The following KTN1 variants were observed in gnomAD, a reference collection of about 807,000 sequenced individuals.
KTN1 encodes the protein kinectin.
A neutral mutation model predicts 222.5 loss-of-function variants in KTN1; 130 were observed. The observed-to-expected ratio is 0.58, with a 90% CI of 0.51 to 0.68. The LOEUF (loss-of-function observed/expected upper bound fraction) is 0.68. KTN1 is among the 30% of genes least tolerant of loss of function. The pLI is 0.00. For missense variants in KTN1, 1,508 were observed against 1,500.4 expected, an observed-to-expected ratio of 1.01 and a Z score of -0.08; for synonymous variants, 512 against 496.3, an observed-to-expected ratio of 1.03 and a Z score of -0.42.
intron 1 of KTN1, among the ~76,000 whole-genome samples, chr14:55,589,972 C>G (rs1246376102): frequency 6.6e-6 from 1 of 151,932 alleles, no homozygotes; most frequent in Non-Finnish European, 1.5e-5. Context: ...TATCTGATTT[C>G]TTAAGGTAGC....
chr14:55,671,210 G>A (rs997065374), intron 35 of KTN1: 1 of 253,912 alleles, frequency 3.9e-6, no homozygotes, highest in South Asian at 1.1e-4. Context: ...TACTGAAATT[G>A]GGGGGGATTT....
chr14:55,679,528 T>C (rs1482723190), intron 42 of KTN1, 37 bp from the exon 43 acceptor site: 1 of 1,548,790 alleles, frequency 6.5e-7, no homozygotes, highest in African/African-American at 1.4e-5. Context: ...CTTTTCCTTG[T>C]GTATGGAGTT....
chr14:55,672,839 A>G (rs1210389053), intron 38 of KTN1, 90 bp from the exon 39 acceptor site: 3 of 1,131,430 alleles, frequency 2.7e-6, no homozygotes, highest in African/African-American at 3.1e-5. Context: ...ATATAGTTTT[A>G]TATTCATAAG....
intron 5 of KTN1, among the ~76,000 whole-genome samples, chr14:55,625,428 G>A (rs112805751): frequency 6.6e-6 from 1 of 152,086 alleles, no homozygotes; most frequent in African/African-American, 2.4e-5. Context: ...AGGAACTACT[G>A]TTATACCACT....
chr14:55,595,505 A>G (rs2034875613), intron 1 of KTN1, among the ~76,000 whole-genome samples: 1 of 152,182 alleles, frequency 6.6e-6, no homozygotes, highest in African/African-American at 2.4e-5. Flanking sequence ...TGAAACCTTT[A>G]ATTGGTTTGC....
At chr14:55,651,063 A>C (rs1372723960) in intron 24 of KTN1, among the ~76,000 whole-genome samples, 1 of 152,178 alleles carries the variant, frequency 6.6e-6, no homozygotes, top group Admixed American at 6.5e-5. Context: ...CTGGAAATTG[A>C]TGAGTTTTGC....
Position 55,659,691 on chromosome 14 carries a change from A to G in KTN1, c.2987A>G (p.Glu996Gly). Residue 996 changes from glutamate (E) to glycine (G), a missense_variant, in exon 31 of 44, where the codon GAA becomes GGA. Glu to Gly is a moderately conservative substitution (Grantham distance 98, BLOSUM62 -2). Transcript: ENST00000395314. ...QQASSFPPHE[E>G]LLKVISEREK... is the part of the protein sequence containing the mutation. ...GCATCTTCTTTTCCCCCTCATGAAG[A>G]ATTATTAAAAGTGTAAGTAATAAGT... 1 of 1,493,454 alleles carries G rather than the reference A, an allele frequency of 6.7e-7. No homozygotes were observed. The highest frequency in any genetic ancestry group is 9.3e-7 in the Non-Finnish European group (1 of 1,071,690). The allele number at this position is 1,493,454 out of a possible 1,614,324, so 92.5% of individuals were successfully genotyped here.
chr14:55,636,449 G>T lies in KTN1; in HGVS notation c.1462G>T (p.Val488Phe). 1 of 1,605,720 alleles carries T rather than the reference G, an allele frequency of 6.2e-7. No individual in the cohort carries two copies. Among genetic ancestry groups the T allele is most frequent in the Non-Finnish European group, 8.5e-7 (1 of 1,174,828 alleles). ...NAEQAATQLK[V>F]QLQEAERRWE... ...CCTTTCTCCCTTTTAAAATACCAAGGTTCAACTACAAGAAGCTGAGAGAAG... is the reference window on the plus strand; with the variant it reads ...CCTTTCTCCCTTTTAAAATACCAAGTTTCAACTACAAGAAGCTGAGAGAAG... The change falls in exon 10 of 44, where the codon GTT becomes TTT. Residue 488 changes from valine to phenylalanine, a missense_variant and splice_region_variant. Transcript: ENST00000395314.
At chr14:55,658,765 C>CT in intron 30 of KTN1, 151 bp downstream of exon 30, 1 of 588,850 alleles carries the variant, frequency 1.7e-6, no homozygotes, top group East Asian at 2.9e-5. Flanking sequence ...AAGAAAGCAA[C>CT]TTGCTATGTC....
chr14:55,621,193 C>T (rs2039082880), intron 5 of KTN1, among the ~76,000 whole-genome samples: 1 of 152,154 alleles, frequency 6.6e-6, no homozygotes, highest in Non-Finnish European at 1.5e-5. Context: ...TCCTGGATTT[C>T]ATTGCTGGTA....
chr14:55,677,434 G>A (rs944402143), intron 41 of KTN1, among the ~76,000 whole-genome samples: 4 of 146,088 alleles, frequency 2.7e-5, no homozygotes, highest in Admixed American at 7.1e-5. Context: ...CCGAGATTAC[G>A]CTACTGCACT....
At chr14:55,678,612 A>G (rs2046090702) in intron 42 of KTN1, 168 bp downstream of exon 42, 2 of 581,380 alleles carry the variant, frequency 3.4e-6, no homozygotes, top group Middle Eastern at 2.7e-4. Context: ...TTATTGAGGT[A>G]TGTTAATTTT....
chr14:55,632,803 A>T (rs2040683933), intron 7 of KTN1, among the ~76,000 whole-genome samples: 1 of 152,204 alleles, frequency 6.6e-6, no homozygotes, highest in African/African-American at 2.4e-5. Flanking sequence ...TTTGTAACTT[A>T]ATATAAAGTG....
chr14:55,628,099 C>T lies in KTN1; in HGVS notation c.1080+71C>T, dbSNP rs532056637. 7.6e-6 allele frequency: 7 copies of T among 927,072 alleles called. No homozygotes were observed. The Admixed American group carries it at 8.6e-5, about 11-fold the overall frequency. 57.4% of individuals were successfully genotyped at this position (927,072 alleles called of 1,614,324 possible). ...GCAACAAAAGATTTTAGAAATTGTC[C>T]ATAATCAGTAGTTTAATTATTTGTA... On this transcript the variant is annotated intron_variant, in intron 6 of 43. Transcript: ENST00000395314.
chr14:55,607,625 T>A (rs144943947), intron 1 of KTN1, among the ~76,000 whole-genome samples: 97 of 152,350 alleles, frequency 6.4e-4, no homozygotes, highest in African/African-American at 2.2e-3. Context: ...CTCTCCTGGT[T>A]CTCTTGACAG....
At chr14:55,679,840 T>C in intron 43 of KTN1, 155 bp downstream of exon 43, 1 of 774,194 alleles carries the variant, frequency 1.3e-6, no homozygotes, top group Non-Finnish European at 2.1e-6. Context: ...CTTGGAGCTT[T>C]AGTTCTATTT....
chr14:55,673,305 T>C, intron 40 of KTN1, 50 bp downstream of exon 40: 1 of 1,197,310 alleles, frequency 8.4e-7, no homozygotes. Flanking sequence ...GAAAACACTT[T>C]ATTGACATGT....
intron 14 of KTN1, 69 bp from the exon 15 acceptor site, chr14:55,640,305 A>G: frequency 1.8e-6 from 2 of 1,101,284 alleles, no homozygotes; most frequent in Non-Finnish European, 2.7e-6. Context: ...TCTTTTGTAG[A>G]AAAGATGCTT....
chr14:55,621,297 C>G (rs536533744), intron 5 of KTN1, among the ~76,000 whole-genome samples: 13 of 102,958 alleles, frequency 1.3e-4, no homozygotes, highest in African/African-American at 8.3e-4. Flanking sequence ...GCCCTCCAAA[C>G]TGTTCCAGCT....
Sources: gnomAD v4.1 joint callset for allele counts (sites outside exome capture counted in the v4.1 genomes callset) on GRCh38, gnomAD v4.1.1 for gene constraint, MANE v1.5 for transcripts, NCBI Gene and HGNC (gene_info 2026-07-23, HGNC 2026-07-21) for gene names.